The following LARGE1 variants were observed in gnomAD, a reference collection of about 807,000 sequenced individuals.
The protein encoded by LARGE1 is LARGE xylosyl- and glucuronyltransferase 1, also known as xylosyl- and glucuronyltransferase LARGE1.
A neutral mutation model predicts 87.6 loss-of-function variants in LARGE1; 43 were observed. The ratio of observed to expected loss-of-function variants is 0.49; its 90% confidence interval spans 0.38 to 0.63. The LOEUF is 0.63. Ranked by LOEUF, LARGE1 falls within the 30% of genes least tolerant of loss-of-function variation. The pLI, the probability that LARGE1 is intolerant of heterozygous loss-of-function variation, is 0.00. For missense variants in LARGE1, 802 were observed against 1,000.2 expected, an observed-to-expected ratio of 0.80 and a Z score of 2.67; for synonymous variants, 434 against 394.6, an observed-to-expected ratio of 1.10 and a Z score of -1.18.
chr22:33,612,324 G>A (rs951644316), intron 4 of LARGE1, among the ~76,000 whole-genome samples: 1 of 152,246 alleles, frequency 6.6e-6, no homozygotes, highest in South Asian at 2.1e-4. Context: ...GGCTGGTCTT[G>A]AACTCTTGAC....
rs540900002 is a variant in LARGE1 at position 33,885,406 on chromosome 22, G to A, written c.-83+34589C>T. Among the ~76,000 whole-genome samples, 6 of 152,194 alleles carry A rather than the reference G, an allele frequency of 3.9e-5. No individual in the cohort carries two copies. The South Asian group carries it at 1.0e-3, about 26-fold the overall frequency. On this transcript the variant is annotated intron_variant, in intron 1 of 14. Coordinates refer to ENST00000397394, the MANE Select transcript of LARGE1 (RefSeq NM_133642.5). ...CAGTACTTCAGATGGCTAACTACAC[G>A]TGAAGTCCCGAGCCCCAAGTTCACA...
At chr22:33,468,484 TA>T (rs568763601) in intron 6 of LARGE1, among the ~76,000 whole-genome samples, 151 of 152,320 alleles carry the variant, frequency 9.9e-4, no homozygotes, top group Middle Eastern at 3.4e-3. Context: ...TTTTCTATTA[TA>T]GTCACCATCT....
Position 33,432,194 on chromosome 22 carries a change from G to T in LARGE1, c.859C>A (p.Pro287Thr). The change falls in exon 7 of 15, where the codon CCA becomes ACA. Residue 287 changes from proline (P) to threonine (T), a missense_variant. Around this residue, in one of 2 missense-constraint regions of LARGE1, gnomAD observed 625 missense variants for 841.9 expected, o/e 0.74. Transcript: ENST00000397394. ...YLGNLWKNHR[P>T]WPALGRGYNT... ...TAGCCTCTTCCAAGGGCTGGCCATG[G>T]GCGGTGATTTTTCCACAGGTTTCCA... is the stretch of plus-strand genomic sequence containing the variant. The T allele has an allele frequency of 6.2e-7, 1 of 1,614,150 alleles. No individual in the cohort carries two copies. The highest frequency in any genetic ancestry group is 8.5e-7 in the Non-Finnish European group (1 of 1,180,022).
intron 11 of LARGE1, among the ~76,000 whole-genome samples, chr22:33,227,123 C>T (rs963643074): frequency 6.6e-6 from 1 of 152,254 alleles, no homozygotes; most frequent in Middle Eastern, 3.4e-3. Context: ...CAAATATTAG[C>T]TCATTTAATT....
At chr22:33,667,026 A>G (rs1194348903) in intron 2 of LARGE1, among the ~76,000 whole-genome samples, 5 of 152,218 alleles carry the variant, frequency 3.3e-5, no homozygotes, top group Admixed American at 6.5e-5. Flanking sequence ...CAAAATCCAG[A>G]GCTCACATAG....
intron 1 of LARGE1, among the ~76,000 whole-genome samples, chr22:33,891,013 T>TGGTTCTGTGCATATGGGAAGCTGCATAC (rs61365606): frequency 6.7e-6 from 1 of 149,078 alleles, no homozygotes; most frequent in African/African-American, 2.5e-5. Flanking sequence ...GGGCTCCATA[T>TGGTTCTGTGCATATGGGAAGCTGCATAC]GGTTCTGTGC....
chr22:33,163,964 G>T (rs1922130649), exon 12 of LARGE1: 1 of 152,158 alleles, frequency 6.6e-6, no homozygotes, highest in African/African-American at 2.4e-5. Context: ...GAGTGTCCTT[G>T]AGAAAACCTC....
chr22:33,283,604 G>A (rs750273059), intron 12 of LARGE1, among the ~76,000 whole-genome samples: 8 of 152,058 alleles, frequency 5.3e-5, no homozygotes, highest in Admixed American at 1.3e-4. Flanking sequence ...GTGAAACCCC[G>A]TTTCCACTAA....
intron 6 of LARGE1, among the ~76,000 whole-genome samples, chr22:33,496,146 C>T (rs965354922): frequency 2.0e-5 from 3 of 152,092 alleles, no homozygotes; most frequent in African/African-American, 7.2e-5. Flanking sequence ...AAGATGGAGG[C>T]CAGAAGACTA....
intron 1 of LARGE1, among the ~76,000 whole-genome samples, chr22:33,860,113 A>C (rs1293729713): frequency 1.3e-5 from 2 of 152,162 alleles, no homozygotes; most frequent in African/African-American, 2.4e-5. Flanking sequence ...GGTCAATCTT[A>C]TGTGTATTTT....
chr22:33,839,599 G>A (rs769993152), intron 1 of LARGE1, among the ~76,000 whole-genome samples: 3 of 152,116 alleles, frequency 2.0e-5, no homozygotes, highest in Non-Finnish European at 2.9e-5. Flanking sequence ...TCATTCTACC[G>A]CAGCCTGTAT....
chr22:33,680,752 A>C lies in LARGE1; in HGVS notation c.107-30084T>G, dbSNP rs985570685. Among the ~76,000 whole-genome samples the C allele has an allele frequency of 3.4e-4, 51 of 152,136 alleles. 1 individual carries two copies. The highest frequency in any genetic ancestry group is 1.5e-4 in the Non-Finnish European group (10 of 68,004). On this transcript the variant is annotated intron_variant, in intron 2 of 14. Coordinates refer to ENST00000397394, the MANE Select transcript of LARGE1 (RefSeq NM_133642.5). ...CTCATTGAGACATTATCCACAAGGCAAGTCATTATTTCAACTCAGATGTCT... is the reference window on the plus strand; with the variant it reads ...CTCATTGAGACATTATCCACAAGGCCAGTCATTATTTCAACTCAGATGTCT...
chr22:33,347,555 G>A (rs527736409), intron 9 of LARGE1, among the ~76,000 whole-genome samples: 2 of 152,280 alleles, frequency 1.3e-5, no homozygotes, highest in South Asian at 4.1e-4. Flanking sequence ...TTTTCTTGAA[G>A]GAGTTTAAGC....
chr22:33,373,412 G>T (rs1048498958), intron 9 of LARGE1, among the ~76,000 whole-genome samples: 8 of 152,008 alleles, frequency 5.3e-5, no homozygotes, highest in African/African-American at 2.4e-5. Flanking sequence ...CCTAGTTTTG[G>T]GTTAGAAATG....
chr22:33,760,757 G>A (rs902652858), intron 2 of LARGE1, among the ~76,000 whole-genome samples: 4 of 151,952 alleles, frequency 2.6e-5, no homozygotes, highest in Admixed American at 6.6e-5. Flanking sequence ...CCATCTCTAC[G>A]AAAAATAGAA....
chr22:33,508,098 A>T lies in LARGE1; in HGVS notation c.787+56750T>A, dbSNP rs192874840. 3.3e-5 allele frequency among the ~76,000 whole-genome samples: 5 copies of T among 152,320 alleles called. No individual in the cohort carries two copies. The East Asian group carries it at 9.7e-4, about 29-fold the overall frequency. ...TTAACAAGACCTTGCACAACTAAAC[A>T]TCTGCCAGCCTCAAAAACTTTCACA... is the stretch of plus-strand genomic sequence containing the variant. On this transcript the variant is annotated intron_variant, in intron 6 of 14. Coordinates refer to ENST00000397394, the MANE Select transcript of LARGE1 (RefSeq NM_133642.5).
At chr22:33,540,357 C>T (rs941757635) in intron 6 of LARGE1, among the ~76,000 whole-genome samples, 4 of 152,170 alleles carry the variant, frequency 2.6e-5, no homozygotes, top group African/African-American at 9.7e-5. Flanking sequence ...AACCTCAGCT[C>T]GGCTGTGTGT....
chr22:33,413,971 T>C (rs1002204199), intron 7 of LARGE1, among the ~76,000 whole-genome samples: 2 of 152,202 alleles, frequency 1.3e-5, no homozygotes, highest in African/African-American at 4.8e-5. Flanking sequence ...TACAATATCT[T>C]GCCTATTGTG....
At chr22:33,214,030 G>A (rs751569546) in intron 11 of LARGE1, among the ~76,000 whole-genome samples, 2 of 152,136 alleles carry the variant, frequency 1.3e-5, no homozygotes, top group South Asian at 2.1e-4. Context: ...GCGTTTCACC[G>A]TACTAGCCAG....
Sources: gnomAD v4.1 joint callset for allele counts (sites outside exome capture counted in the v4.1 genomes callset) on GRCh38, gnomAD v4.1.1 for gene constraint, gnomAD v4.1.1 regional missense constraint, MANE v1.5 for transcripts, NCBI Gene and HGNC (gene_info 2026-07-23, HGNC 2026-07-21) for gene names.